Variants in DTNB observed in about 807,000 individuals in gnomAD.
DTNB encodes the protein dystrobrevin beta.
A neutral mutation model predicts 90.7 loss-of-function variants in DTNB; 63 were observed. That is an observed-to-expected ratio of 0.69 (90% CI 0.57 to 0.86). The LOEUF is 0.86. Among genes scored for constraint, DTNB ranks in the 40% least tolerant of loss-of-function variants. The pLI is 0.00. For synonymous variants in DTNB, 277 were observed against 286.7 expected (o/e 0.97, Z 0.34); for missense variants, 744 against 807.1 (o/e 0.92, Z 0.95).
intron 9 of DTNB, among the ~76,000 whole-genome samples, chr2:25,526,434 C>T (rs1290889488): frequency 2.9e-5 from 4 of 138,508 alleles, no homozygotes; most frequent in Non-Finnish European, 6.1e-5. Context: ...TCACCCTTGT[C>T]ACCCAGGGTG....
At chr2:25,546,541 T>C (rs1405818171) in intron 8 of DTNB, among the ~76,000 whole-genome samples, 1 of 152,210 alleles carries the variant, frequency 6.6e-6, no homozygotes, top group Non-Finnish European at 1.5e-5. Flanking sequence ...ACTTACCTTG[T>C]TTCGTGAACC....
intron 16 of DTNB, among the ~76,000 whole-genome samples, chr2:25,417,796 G>T (rs2048336838): frequency 6.6e-6 from 1 of 152,194 alleles, no homozygotes; most frequent in Non-Finnish European, 1.5e-5. Flanking sequence ...GAGACCATCA[G>T]GAGCTGGAAG....
At chr2:25,623,341 T>A (rs183527753) in intron 4 of DTNB, among the ~76,000 whole-genome samples, 193 of 152,372 alleles carry the variant, frequency 1.3e-3, no homozygotes, top group Admixed American at 2.5e-3. Context: ...AGTGATTTGA[T>A]TCCAGAGGGG....
At chr2:25,473,025 G>A (rs538375505) in intron 10 of DTNB, among the ~76,000 whole-genome samples, 5 of 152,330 alleles carry the variant, frequency 3.3e-5, no homozygotes, top group Middle Eastern at 3.4e-3. Context: ...CAGCAAAGAA[G>A]ATCCACTGGC....
chr2:25,415,938 C>T (rs1243768105), intron 16 of DTNB, among the ~76,000 whole-genome samples: 1 of 152,092 alleles, frequency 6.6e-6, no homozygotes, highest in Non-Finnish European at 1.5e-5. Context: ...TTTCATGAAC[C>T]ATTACAGCAA....
Position 25,418,715 on chromosome 2 carries a change from C to G in DTNB, c.1575+800G>C, listed in dbSNP as rs555485792. Among the ~76,000 whole-genome samples, 18 of 149,534 alleles carry G rather than the reference C, an allele frequency of 1.2e-4. No individual in the cohort carries two copies. The South Asian group carries it at 3.6e-3, about 30-fold the overall frequency. On this transcript the variant is annotated intron_variant, in intron 16 of 20. Transcript: ENST00000406818. ...CACCGTCTCAAAAAAAAAAAAAAGG[C>G]AAATTTTAAAAATTAAACGTTTTGT... is the stretch of plus-strand genomic sequence containing the variant.
intron 8 of DTNB, among the ~76,000 whole-genome samples, chr2:25,556,121 A>C (rs1426599904): frequency 6.6e-6 from 1 of 151,414 alleles, no homozygotes; most frequent in Non-Finnish European, 1.5e-5. Flanking sequence ...ACCATAATAA[A>C]CTTAATCATT....
At chr2:25,394,506 T>A (rs552609374) in intron 16 of DTNB, among the ~76,000 whole-genome samples, 3 of 152,092 alleles carry the variant, frequency 2.0e-5, no homozygotes, top group Admixed American at 2.0e-4. Context: ...GACACAGGAC[T>A]AATATTCAGA....
intron 2 of DTNB, among the ~76,000 whole-genome samples, chr2:25,647,711 T>C (rs1454209321): frequency 6.6e-6 from 1 of 151,892 alleles, no homozygotes. Context: ...CCTGTCTCTA[T>C]CAATCAGCCA....
intron 8 of DTNB, among the ~76,000 whole-genome samples, chr2:25,536,465 G>A (rs2079791753): frequency 6.6e-6 from 1 of 152,176 alleles, no homozygotes; most frequent in East Asian, 1.9e-4. Flanking sequence ...ACCTCGGGAG[G>A]CCGAGGCGGG....
chr2:25,641,583 CACA>C (rs1355418843), intron 2 of DTNB, among the ~76,000 whole-genome samples: 1 of 152,088 alleles, frequency 6.6e-6, no homozygotes. Context: ...TGCAAAACTC[CACA>C]ACTACTTCCA....
intron 15 of DTNB, among the ~76,000 whole-genome samples, chr2:25,420,239 G>A (rs981558789): frequency 5.3e-5 from 7 of 131,520 alleles, no homozygotes; most frequent in Admixed American, 5.1e-4. Flanking sequence ...CTGTATCCCC[G>A]TCTACTTGCT....
chr2:25,397,375 C>T (rs1451809219), intron 16 of DTNB, among the ~76,000 whole-genome samples: 1 of 150,040 alleles, frequency 6.7e-6, no homozygotes, highest in African/African-American at 2.5e-5. Flanking sequence ...CAGTATGCTA[C>T]GTGCAAGAAG....
chr2:25,637,125 T>A (rs1012053443), intron 3 of DTNB, among the ~76,000 whole-genome samples: 2 of 152,196 alleles, frequency 1.3e-5, no homozygotes, highest in Admixed American at 6.5e-5. Flanking sequence ...CCCTATTTAA[T>A]AAATGGTACT....
rs998805103 is a variant in DTNB, at chr2:25,558,205, A to C, written c.876+18633T>G. The C allele has an allele frequency of 6.1e-6, 6 of 985,146 alleles. No homozygotes were observed. In the Admixed American group the frequency reaches 3.1e-4, roughly 50 times the overall value. 61.0% of individuals were successfully genotyped at this position (985,146 alleles called of 1,614,324 possible). On this transcript the variant is annotated intron_variant, in intron 8 of 20. Transcript: ENST00000406818. ...TACAACATATAACACACATGGATTA[A>C]ATTTATTTAGAGAAAGAGTTCAACC...
intron 7 of DTNB, among the ~76,000 whole-genome samples, chr2:25,577,799 G>C (rs904175740): frequency 6.6e-6 from 1 of 152,084 alleles, no homozygotes; most frequent in Non-Finnish European, 1.5e-5. Flanking sequence ...TCAGGAGTTC[G>C]AGACCAGCCT....
intron 8 of DTNB, among the ~76,000 whole-genome samples, chr2:25,563,743 T>C (rs887103447): frequency 3.9e-5 from 6 of 152,208 alleles, no homozygotes; most frequent in Non-Finnish European, 5.9e-5. Flanking sequence ...ATCACCCTCA[T>C]TGAAAAATCG....
chr2:25,608,745 G>T (rs1423160475), intron 4 of DTNB, among the ~76,000 whole-genome samples: 1 of 152,002 alleles, frequency 6.6e-6, no homozygotes, highest in Non-Finnish European at 1.5e-5. Context: ...TACCTTATGG[G>T]ACAAGTAGAC....
At chr2:25,596,820 A>G (rs1394140045) in intron 5 of DTNB, among the ~76,000 whole-genome samples, 1 of 152,232 alleles carries the variant, frequency 6.6e-6, no homozygotes, top group African/African-American at 2.4e-5. Context: ...AAAGTCTTCT[A>G]TTCCAAGACA....
Sources: gnomAD v4.1 joint callset for allele counts (sites outside exome capture counted in the v4.1 genomes callset) on GRCh38, gnomAD v4.1.1 for gene constraint, MANE v1.5 for transcripts, NCBI Gene and HGNC (gene_info 2026-07-23, HGNC 2026-07-21) for gene names.